Variants in PKM observed in about 807,000 individuals in gnomAD.
PKM encodes the protein pyruvate kinase M1/2, also known as pyruvate kinase PKM.
A neutral mutation model predicts 49.8 loss-of-function variants in PKM; 18 were observed. The observed-to-expected ratio is 0.36, with a 90% confidence interval of 0.25 to 0.54. PKM has a LOEUF of 0.54. PKM is among the 20% of genes least tolerant of loss of function. The pLI, the probability that PKM is intolerant of heterozygous loss-of-function variation, is 0.89. For missense variants in PKM, 508 were observed against 713.8 expected (o/e 0.71, Z 3.28); for synonymous variants, 239 against 261.8 (o/e 0.91, Z 0.84).
At chr15:72,203,229 G>A (rs1458579703) in intron 8 of PKM, 1 of 1,583,382 alleles carries the variant, frequency 6.3e-7, no homozygotes, top group Non-Finnish European at 8.7e-7. Context: ...AAGAGGGAAG[G>A]AGGAGGAAAA....
Position 72,210,476 on chromosome 15 carries a change from G to A in PKM, c.249C>T (p.Tyr83=). Residue 83 remains tyrosine, a splice_region_variant and synonymous_variant, in exon 4 of 11, where the codon TAC becomes TAT. Transcript: ENST00000335181. ...GCACATTCTTGATGGTCTCCGCATG[G>A]TACTGGGGGAAAAGAAGGAAGATGA... ...RLNFSHGTHE[Y]HAETIKNVRT... 5 of 1,614,114 alleles carry A rather than the reference G, an allele frequency of 3.1e-6. No individual in the cohort carries two copies. The highest frequency in any genetic ancestry group is 4.2e-6 in the Non-Finnish European group (5 of 1,180,006).
At chr15:72,225,712 A>G (rs1371165856) in intron 1 of PKM, among the ~76,000 whole-genome samples, 1 of 152,230 alleles carries the variant, frequency 6.6e-6, no homozygotes, top group African/African-American at 2.4e-5. Flanking sequence ...TTAAGCTGTT[A>G]CACTAGTCCA....
chr15:72,224,426 G>A (rs2082606180), intron 1 of PKM, among the ~76,000 whole-genome samples: 1 of 152,176 alleles, frequency 6.6e-6, no homozygotes, highest in East Asian at 1.9e-4. Flanking sequence ...AGGAGGAAAG[G>A]CAGTGCCAAC....
Position 72,202,515 on chromosome 15 carries a change from C to T in PKM, c.1246G>A (p.Ala416Thr). 1 of 1,613,660 alleles carries T rather than the reference C, an allele frequency of 6.2e-7. No individual in the cohort carries two copies. Among genetic ancestry groups the T allele is most frequent in the South Asian group, 1.1e-5 (1 of 91,024 alleles). ...SDPTEATAVG[A>T]VEASFKCCSG... Reference sequence around the variant, plus strand: ...CAGCACTTGAAGGAGGCCTCCACGGCACCCACGGCGGTGGCTTCTGTGGGG... The same window carrying T: ...CAGCACTTGAAGGAGGCCTCCACGGTACCCACGGCGGTGGCTTCTGTGGGG... Residue 416 changes from alanine (A) to threonine (T), a missense_variant, in exon 9 of 11, where the codon GCC (alanine) becomes ACC (threonine). Coordinates refer to ENST00000335181, the MANE Select transcript of PKM (RefSeq NM_002654.6). The surrounding 1 kb of genome is among the most constrained non-coding windows in gnomAD (Gnocchi z 4.5).
Position 72,210,149 on chromosome 15 carries a change from T to C in PKM, c.378+198A>G, listed in dbSNP as rs745713604. The C allele has an allele frequency of 3.7e-5, 27 of 730,836 alleles. 1 individual carries two copies. Among genetic ancestry groups the C allele is most frequent in the Non-Finnish European group, 5.9e-5 (26 of 438,724 alleles). 45.3% of individuals were successfully genotyped at this position (730,836 alleles called of 1,614,324 possible). On this transcript the variant is annotated intron_variant, in intron 4 of 10. Transcript: ENST00000335181. Reference sequence around the variant, plus strand: ...TTTAGGGTAAAAAAAAAAGGTTCCTTTGTGGTACCATTTCCTAGCAAAGTA... The same window carrying C: ...TTTAGGGTAAAAAAAAAAGGTTCCTCTGTGGTACCATTTCCTAGCAAAGTA...
intron 1 of PKM, among the ~76,000 whole-genome samples, chr15:72,221,497 T>A (rs2082522606): frequency 6.6e-6 from 1 of 151,584 alleles, no homozygotes; most frequent in Non-Finnish European, 1.5e-5. Flanking sequence ...AAATTAAACA[T>A]ACCTAAAAGA....
intron 7 of PKM, 118 bp from the exon 8 acceptor site, chr15:72,206,998 A>G (rs2082100005): frequency 1.4e-6 from 2 of 1,476,760 alleles, no homozygotes; most frequent in Non-Finnish European, 1.9e-6. Flanking sequence ...GTGTAGGTAC[A>G]TGGGGGAAGG....
chr15:72,212,435 A>G (rs2082277365), intron 3 of PKM, among the ~76,000 whole-genome samples: 1 of 151,842 alleles, frequency 6.6e-6, no homozygotes, highest in Non-Finnish European at 1.5e-5. Flanking sequence ...AGATCGTGCC[A>G]CTGCACTCCA....
intron 1 of PKM, among the ~76,000 whole-genome samples, chr15:72,227,262 C>T (rs8192368): frequency 1.3e-5 from 2 of 152,152 alleles, no homozygotes; most frequent in African/African-American, 4.8e-5. Context: ...TCACGAAGAC[C>T]CTTGAAGATG....
intron 3 of PKM, among the ~76,000 whole-genome samples, chr15:72,216,120 CTTTAT>C (rs935067448): frequency 5.3e-5 from 8 of 152,196 alleles, no homozygotes; most frequent in Non-Finnish European, 1.0e-4. Flanking sequence ...TTTCCTGAGG[CTTTAT>C]TTTTAGTCCA....
chr15:72,209,151 G>A (rs977787154), intron 5 of PKM, among the ~76,000 whole-genome samples: 2 of 152,034 alleles, frequency 1.3e-5, no homozygotes, highest in Non-Finnish European at 2.9e-5. Flanking sequence ...CAGATCACCT[G>A]AGGTCAGGAG....
Position 72,202,149 on chromosome 15 carries a change from AG to A in PKM, c.1307+304del, listed in dbSNP as rs370134269. The A allele has an allele frequency of 6.1e-4, 262 of 426,938 alleles. No homozygotes were observed. Among genetic ancestry groups the A allele is most frequent in the African/African-American group, 4.5e-3 (225 of 50,376 alleles). 26.4% of individuals were successfully genotyped at this position (426,938 alleles called of 1,614,324 possible). On this transcript the variant is annotated intron_variant, in intron 9 of 10. Coordinates refer to ENST00000335181, the MANE Select transcript of PKM (RefSeq NM_002654.6). This position sits in a 1 kb window ranked among gnomAD's most constrained non-coding sequence, Gnocchi z 4.5. Reference sequence around the variant, plus strand: ...AAGTGGTTATCTTTTACAATTTTAGAGGACTAAATTTTCAATATCAAATAAC... The same window carrying A: ...AAGTGGTTATCTTTTACAATTTTAGAGACTAAATTTTCAATATCAAATAAC...
At chr15:72,209,396 A>AATACATATATATAT (rs1268011418) in intron 5 of PKM, 9 of 78,988 alleles carry the variant, frequency 1.1e-4, no homozygotes, top group African/African-American at 5.4e-4. Context: ...CAGCGAAACA[A>AATACATATATATAT]ATATATATAT....
chr15:72,203,213 G>T, intron 8 of PKM: 1 of 1,608,638 alleles, frequency 6.2e-7, no homozygotes, highest in Non-Finnish European at 8.5e-7. Context: ...GGAAGAGGGG[G>T]CAAGGAAGAG....
intron 5 of PKM, 41 bp downstream of exon 5, chr15:72,209,632 A>G (rs570999983): frequency 6.3e-7 from 1 of 1,575,250 alleles, no homozygotes. Flanking sequence ...TTAGAGACAA[A>G]AGACTGTTTT....
rs1253714339 is a variant in PKM at position 72,210,480 on chromosome 15, TG to T, written c.247-3del. ...ATTCTTGATGGTCTCCGCATGGTAC[TG>T]GGGGAAAAGAAGGAAGATGACAAGC... On this transcript the variant is annotated splice_polypyrimidine_tract_variant and splice_region_variant and intron_variant, in intron 3 of 10. Coordinates refer to ENST00000335181, the MANE Select transcript of PKM (RefSeq NM_002654.6). The T allele has an allele frequency of 2.5e-6, 4 of 1,614,000 alleles. No homozygotes were observed. The highest frequency in any genetic ancestry group is 1.3e-5 in the African/African-American group (1 of 74,904).
chr15:72,210,514 C>T (rs780698974), intron 3 of PKM, 36 bp from the exon 4 acceptor site: 2 of 1,613,430 alleles, frequency 1.2e-6, no homozygotes, highest in Non-Finnish European at 1.7e-6. Context: ...AGCGTGCTCC[C>T]ACACTAGAAT....
At chr15:72,208,916 G>A (rs1417050543) in intron 5 of PKM, 25 bp from the exon 6 acceptor site, 1 of 1,609,478 alleles carries the variant, frequency 6.2e-7, no homozygotes, top group East Asian at 2.2e-5. Context: ...GTAAGTAGGG[G>A]AGGCAGAGCA....
intron 7 of PKM, 23 bp downstream of exon 7, chr15:72,207,104 T>C: frequency 2.5e-6 from 4 of 1,612,870 alleles, no homozygotes; most frequent in Non-Finnish European, 3.4e-6. Context: ...CACATGAGAA[T>C]GTGGGGAAGG....
Sources: allele counts gnomAD v4.1 joint callset (sites outside exome capture counted in the v4.1 genomes callset), GRCh38; gene constraint gnomAD v4.1.1; non-coding constraint Gnocchi (gnomAD v3.1); transcripts MANE v1.5; gene names NCBI Gene and HGNC (gene_info 2026-07-23, HGNC 2026-07-21).